Variants in ZNF608 observed in about 807,000 individuals in gnomAD.
ZNF608 encodes the protein renal carcinoma antigen NY-REN-36.
A neutral mutation model predicts 109.0 loss-of-function variants in ZNF608; 12 were observed. The observed-to-expected ratio is 0.11, with a 90% CI of 0.07 to 0.18. ZNF608 has a LOEUF of 0.18. Among genes scored for constraint, ZNF608 ranks in the 10% least tolerant of loss-of-function variants. The pLI, the probability that ZNF608 is intolerant of heterozygous loss-of-function variation, is 1.00. For synonymous variants in ZNF608, 732 were observed against 717.4 expected (o/e 1.02, Z -0.33); for missense variants, 1,707 against 1,879.3 (o/e 0.91, Z 1.70).
chr5:124,636,917 A>AT lies in ZNF608; in HGVS notation c.*982dup, dbSNP rs1016942971. The AT allele has an allele frequency of 8.6e-5, 11 of 127,752 alleles. No individual in the cohort carries two copies. The East Asian group carries it at 2.5e-3, about 29-fold the overall frequency. The allele number at this position is 127,752 out of a possible 1,614,324, so 7.9% of individuals were successfully genotyped here. ...AACATGAGACAGACAAGAAGCCATT[A>AT]TTTAAAAAAAAAAAAACTTTTTAAT... On this transcript the variant is annotated 3_prime_UTR_variant, in exon 10 of 10. Coordinates refer to ENST00000513986, the MANE Select transcript of ZNF608 (RefSeq NM_020747.3).
intron 3 of ZNF608, chr5:124,666,411 T>G (rs1751481172): frequency 6.6e-6 from 1 of 152,262 alleles, no homozygotes; most frequent in African/African-American, 2.4e-5. Context: ...GGCACTTCCC[T>G]TGTACTAGCT....
intron 2 of ZNF608, among the ~76,000 whole-genome samples, chr5:124,718,238 CT>C (rs1217598199): frequency 2.4e-4 from 37 of 152,364 alleles, no homozygotes; most frequent in Middle Eastern, 3.4e-3. Flanking sequence ...TCATCTTTCT[CT>C]GCTTAGCACT....
chr5:124,744,418 T>G lies in ZNF608; in HGVS notation c.572A>C (p.Lys191Thr). ...TCGGCTGCTCTGGCTTTTACCTGGC[T>G]TCTCCTCTTTGCTTTTCCCACAGGA... ...AGSCGKSKEEKPGKSQSSRGA... is the reference protein window; with the variant it reads ...AGSCGKSKEETPGKSQSSRGA... Residue 191 changes from lysine to threonine, a missense_variant, in exon 2 of 10, where the codon AAG (lysine) becomes ACG (threonine). Lys to Thr is a moderately conservative substitution (Grantham distance 78). Coordinates refer to ENST00000513986, the MANE Select transcript of ZNF608 (RefSeq NM_020747.3). The surrounding 1 kb of genome is among the most constrained non-coding windows in gnomAD (Gnocchi z 4.5). 6.2e-7 allele frequency: 1 copy of G among 1,614,264 alleles called. No homozygotes were observed. Among genetic ancestry groups the G allele is most frequent in the South Asian group, 1.1e-5 (1 of 91,088 alleles).
intron 3 of ZNF608, among the ~76,000 whole-genome samples, chr5:124,695,922 G>A (rs993858552): frequency 1.3e-4 from 19 of 151,402 alleles, no homozygotes; most frequent in African/African-American, 3.4e-4. Context: ...GGTGGCTCAC[G>A]CCTGTAATCC....
chr5:124,707,943 TC>T (rs1180456174), intron 2 of ZNF608: 1 of 152,226 alleles, frequency 6.6e-6, no homozygotes, highest in Non-Finnish European at 1.5e-5. Flanking sequence ...AGAACCATGA[TC>T]AAAGCAATTT....
chr5:124,652,501 CAG>C (rs1272427166), intron 3 of ZNF608, among the ~76,000 whole-genome samples: 5 of 152,218 alleles, frequency 3.3e-5, no homozygotes, highest in Admixed American at 2.0e-4. Flanking sequence ...CACAATGCCA[CAG>C]AGTGTTTAAA....
At chr5:124,660,205 T>C (rs1751193747) in intron 3 of ZNF608, among the ~76,000 whole-genome samples, 1 of 151,326 alleles carries the variant, frequency 6.6e-6, no homozygotes, top group South Asian at 2.1e-4. Flanking sequence ...AGAGAGAGAA[T>C]GGGAGAGATC....
At chr5:124,683,048 A>C (rs6871784) in intron 3 of ZNF608, among the ~76,000 whole-genome samples, 59,305 of 151,160 alleles carry the variant, frequency 0.39, 12,293 homozygotes, top group African/African-American at 0.54. Flanking sequence ...CCCCCTCTCT[A>C]TCTGATCTTG....
intron 2 of ZNF608, among the ~76,000 whole-genome samples, chr5:124,706,338 T>A (rs186450059): frequency 5.9e-5 from 9 of 152,302 alleles, no homozygotes; most frequent in Non-Finnish European, 8.8e-5. Flanking sequence ...TGGTAGAAGG[T>A]AGCACTCAAT....
chr5:124,680,667 A>G (rs752353527), intron 3 of ZNF608, among the ~76,000 whole-genome samples: 9 of 152,230 alleles, frequency 5.9e-5, no homozygotes, highest in Admixed American at 2.0e-4. Context: ...AAAGTCTCCA[A>G]CAAAAAATAC....
chr5:124,660,809 T>A (rs1751227050), intron 3 of ZNF608, among the ~76,000 whole-genome samples: 1 of 152,208 alleles, frequency 6.6e-6, no homozygotes, highest in Non-Finnish European at 1.5e-5. Flanking sequence ...TAAACTCTCC[T>A]GTAACTCACC....
intron 3 of ZNF608, among the ~76,000 whole-genome samples, chr5:124,668,910 A>C (rs948937956): frequency 6.6e-6 from 1 of 152,172 alleles, no homozygotes; most frequent in Non-Finnish European, 1.5e-5. Context: ...TCATTTAATC[A>C]ATCATTCAAC....
intron 2 of ZNF608, among the ~76,000 whole-genome samples, chr5:124,721,938 T>A: frequency 3.9e-5 from 1 of 25,708 alleles, no homozygotes; most frequent in South Asian, 1.1e-3. Context: ...TGAGACTCTG[T>A]CTCAAAAAAA....
At chr5:124,708,997 C>T (rs539216170) in intron 2 of ZNF608, among the ~76,000 whole-genome samples, 2 of 152,090 alleles carry the variant, frequency 1.3e-5, no homozygotes, top group South Asian at 2.1e-4. Context: ...CATGGAAAAA[C>T]CCAGTCTCTA....
rs149745808 is a variant in ZNF608 at position 124,647,780 on chromosome 5, C to A, written c.2604G>T (p.Leu868=). The change falls in exon 5 of 10, where the codon CTG becomes CTT. Residue 868 remains leucine (L), a synonymous_variant. Coordinates refer to ENST00000513986, the MANE Select transcript of ZNF608 (RefSeq NM_020747.3). ...CCATGCGGCTCTCCTGAGACTCCGA[C>A]AGTCCATTTGCCAGCCCTTCATTCT... ...LNKNEGLANG[L]SESQESRMAS... is the part of the protein sequence containing the mutation. 6 of 1,614,022 alleles carry A rather than the reference C, an allele frequency of 3.7e-6. No individual in the cohort carries two copies.
At chr5:124,654,116 C>A (rs963859396) in intron 3 of ZNF608, among the ~76,000 whole-genome samples, 3 of 152,190 alleles carry the variant, frequency 2.0e-5, no homozygotes, top group Non-Finnish European at 4.4e-5. Context: ...CCATCATCCA[C>A]TCAACAGCCT....
intron 3 of ZNF608, among the ~76,000 whole-genome samples, chr5:124,693,922 A>AT (rs148158812): frequency 0.043 from 5,104 of 119,444 alleles, 178 homozygotes; most frequent in East Asian, 0.15. Context: ...CCTGTCTTCC[A>AT]TTTTTTTTTA....
At chr5:124,721,483 A>G (rs1431977702) in intron 2 of ZNF608, among the ~76,000 whole-genome samples, 2 of 152,324 alleles carry the variant, frequency 1.3e-5, no homozygotes, top group East Asian at 3.9e-4. Context: ...ACCACAGAAC[A>G]AAACAGCAAA....
intron 2 of ZNF608, among the ~76,000 whole-genome samples, chr5:124,742,752 C>A (rs1177648381): frequency 6.6e-6 from 1 of 152,168 alleles, no homozygotes; most frequent in Non-Finnish European, 1.5e-5. Context: ...TATACTCCAA[C>A]TTAAATCCTG....
Sources: gnomAD v4.1 joint callset for allele counts (sites outside exome capture counted in the v4.1 genomes callset) on GRCh38, gnomAD v4.1.1 for gene constraint, Gnocchi (gnomAD v3.1) non-coding constraint, MANE v1.5 for transcripts, NCBI Gene and HGNC (gene_info 2026-07-23, HGNC 2026-07-21) for gene names.